Variants in ATP10B observed in about 807,000 individuals in gnomAD.
ATP10B encodes ATPase phospholipid transporting 10B (putative).
A neutral mutation model predicts 141.2 loss-of-function variants in ATP10B; 122 were observed. The observed-to-expected ratio is 0.86, with a 90% CI of 0.75 to 1.00. The LOEUF is 1.00. ATP10B is among the 50% of genes least tolerant of loss of function. The pLI is 0.00. For missense variants in ATP10B, 1,876 were observed against 1,825.3 expected (o/e 1.03, Z -0.51); for synonymous variants, 685 against 692.0 (o/e 0.99, Z 0.16).
Position 160,598,860 on chromosome 5 carries a change from A to C in ATP10B, c.3474T>G (p.Pro1158=), listed in dbSNP as rs995379082. 8 of 1,614,080 alleles carry C rather than the reference A, an allele frequency of 5.0e-6. No individual in the cohort carries two copies. In the East Asian group the frequency reaches 1.8e-4, roughly 36 times the overall value. The part of the protein sequence containing the change: ...IFFNLFFTSL[P]PLVFGVLDKD... Reference sequence around the variant, plus strand: ...TGTCAAGGACTCCAAAGACAAGAGGAGGCAAGGAGGTAAAGAAGAGATTGA... The same window carrying C: ...TGTCAAGGACTCCAAAGACAAGAGGCGGCAAGGAGGTAAAGAAGAGATTGA... The change falls in exon 22 of 26, where the codon CCT becomes CCG. Residue 1158 remains proline (P), a synonymous_variant. Transcript: ENST00000327245.
At chr5:160,811,119 C>A (rs1773123857) in intron 1 of ATP10B, among the ~76,000 whole-genome samples, 1 of 152,164 alleles carries the variant, frequency 6.6e-6, no homozygotes, top group Non-Finnish European at 1.5e-5. Flanking sequence ...CCAGTCCTGG[C>A]AGGACCCATC....
rs377239274 is a variant in ATP10B, at chr5:160,688,003, T to C, written c.72A>G (p.Pro24=). The change falls in exon 5 of 26, where the codon CCA becomes CCG. Residue 24 remains proline, a synonymous_variant. Coordinates refer to ENST00000327245, the MANE Select transcript of ATP10B (RefSeq NM_025153.3). ...WRVRDGFPHC[P]SETTPLLSPE... ...GAGAGAGCAGCGGTGTGGTTTCCGA[T>C]GGACAATGGGGGAAGCCATCTCTGA... The C allele has an allele frequency of 3.8e-5, 61 of 1,614,054 alleles. No homozygotes were observed. The highest frequency in any genetic ancestry group is 4.4e-5 in the South Asian group (4 of 91,072).
chr5:160,807,693 T>C (rs1169997440), intron 1 of ATP10B, among the ~76,000 whole-genome samples: 7 of 152,240 alleles, frequency 4.6e-5, no homozygotes. Context: ...TCTGTATCCA[T>C]ATGATAAAAA....
At chr5:160,584,363 C>T (rs951085288) in intron 24 of ATP10B, among the ~76,000 whole-genome samples, 2 of 152,138 alleles carry the variant, frequency 1.3e-5, no homozygotes, top group African/African-American at 2.4e-5. Context: ...GGGCTGCAAC[C>T]ACTGTCTAAG....
the ATP10B span, among the ~76,000 whole-genome samples, chr5:160,862,928 A>G: frequency 6.6e-6 from 1 of 152,050 alleles, no homozygotes; most frequent in Non-Finnish European, 1.5e-5. Context: ...TATTGATTAC[A>G]TAACTATTTC....
chr5:160,803,359 T>A (rs1267339513), intron 1 of ATP10B, among the ~76,000 whole-genome samples: 1 of 152,136 alleles, frequency 6.6e-6, no homozygotes, highest in Admixed American at 6.6e-5. Context: ...ACCTACTTTT[T>A]AGAGGCATCA....
At chr5:160,787,126 A>ACAC (rs149886888) in intron 1 of ATP10B, among the ~76,000 whole-genome samples, 228 of 148,184 alleles carry the variant, frequency 1.5e-3, no homozygotes, top group Non-Finnish European at 2.5e-3. Context: ...ACACACACAC[A>ACAC]CACACACACA....
chr5:160,649,391 ATGTGTC>A, intron 7 of ATP10B, 135 bp from the exon 8 acceptor site: 1 of 647,438 alleles, frequency 1.5e-6, no homozygotes, highest in Admixed American at 3.2e-5. Context: ...GATAGTTGTA[ATGTGTC>A]AGAAAAAAAA....
At chr5:160,631,380 C>T (rs1252222529) in intron 13 of ATP10B, among the ~76,000 whole-genome samples, 1 of 152,164 alleles carries the variant, frequency 6.6e-6, no homozygotes, top group African/African-American at 2.4e-5. Context: ...TTGCTTGCTA[C>T]CTGGATGTTT....
chr5:160,751,312 CT>C (rs1698844563), intron 2 of ATP10B, among the ~76,000 whole-genome samples: 1 of 152,174 alleles, frequency 6.6e-6, no homozygotes. Context: ...TCATGTTCTC[CT>C]TTTCACTCCT....
the ATP10B span, among the ~76,000 whole-genome samples, chr5:160,890,737 CA>C: frequency 2.0e-5 from 3 of 151,936 alleles, no homozygotes; most frequent in South Asian, 6.2e-4. Flanking sequence ...CTTTTAGAGC[CA>C]GGGTCTTTCT....
the ATP10B span, among the ~76,000 whole-genome samples, chr5:160,905,771 T>G: frequency 1.3e-5 from 2 of 152,092 alleles, no homozygotes; most frequent in Admixed American, 6.5e-5. Context: ...ACATTGCAGA[T>G]AGTCAATAAA....
chr5:160,908,158 C>G, the ATP10B span, among the ~76,000 whole-genome samples: 1 of 152,154 alleles, frequency 6.6e-6, no homozygotes, highest in African/African-American at 2.4e-5. Flanking sequence ...TACACTATGT[C>G]ACTATGTGCT....
chr5:160,855,514 C>T (rs116662938), upstream of ATP10B, among the ~76,000 whole-genome samples: 1 of 150,874 alleles, frequency 6.6e-6, no homozygotes, highest in East Asian at 1.9e-4. Flanking sequence ...TCTTTATATA[C>T]TATACCTTTG....
intron 1 of ATP10B, among the ~76,000 whole-genome samples, chr5:160,841,034 C>T (rs1775780667): frequency 6.6e-6 from 1 of 152,094 alleles, no homozygotes; most frequent in East Asian, 1.9e-4. Flanking sequence ...GGAGATTTGG[C>T]ATCAGTTAAT....
intron 8 of ATP10B, 86 bp downstream of exon 8, chr5:160,649,085 G>A (rs1005936405): frequency 1.1e-5 from 10 of 912,266 alleles, no homozygotes; most frequent in African/African-American, 6.6e-5. Flanking sequence ...GGATGAAGAT[G>A]CTTATTTGTT....
At chr5:160,589,535 G>C (rs993818679) in intron 24 of ATP10B, 57 bp downstream of exon 24, 51 of 1,315,196 alleles carry the variant, frequency 3.9e-5, no homozygotes, top group South Asian at 2.8e-4. Flanking sequence ...AGAAATTTGA[G>C]TATAGTCAAT....
intron 22 of ATP10B, among the ~76,000 whole-genome samples, chr5:160,594,032 A>T (rs538564597): frequency 6.6e-6 from 1 of 152,334 alleles, no homozygotes; most frequent in South Asian, 2.1e-4. Flanking sequence ...CAGGAAATAC[A>T]GAGAATGCCA....
chr5:160,875,401 G>C, the ATP10B span, among the ~76,000 whole-genome samples: 4 of 111,136 alleles, frequency 3.6e-5, no homozygotes, highest in African/African-American at 1.1e-4. Flanking sequence ...ACATGGAAAG[G>C]AACAACCAGT....
Sources: gnomAD v4.1 joint callset for allele counts (sites outside exome capture counted in the v4.1 genomes callset) on GRCh38, gnomAD v4.1.1 for gene constraint, MANE v1.5 for transcripts, NCBI Gene and HGNC (gene_info 2026-07-23, HGNC 2026-07-21) for gene names.